ANKRD40CL: variants seen among roughly 807,000 people sequenced by gnomAD.
ANKRD40CL encodes the protein ANKRD40 C-terminal like.
For synonymous variants in ANKRD40CL, 5 were observed against 2.3 expected, an observed-to-expected ratio of 2.14 and a Z score of -1.04; for missense variants, 11 against 6.4, an observed-to-expected ratio of 1.71 and a Z score of -0.77.
intron 2 of ANKRD40CL, among the ~76,000 whole-genome samples, chr17:50,765,805 G>C (rs1420389539): frequency 2.6e-5 from 4 of 152,126 alleles, no homozygotes; most frequent in Non-Finnish European, 5.9e-5. Context: ...CGGAATGAGG[G>C]ACTCTGGCAG....
chr17:50,766,341 A>T (rs1238271046), intron 2 of ANKRD40CL, among the ~76,000 whole-genome samples: 1 of 152,182 alleles, frequency 6.6e-6, no homozygotes, highest in African/African-American at 2.4e-5. Context: ...TTCCTGCCTC[A>T]CTGCTAACTC....
At chr17:50,766,060 T>G (rs770455664) in intron 2 of ANKRD40CL, among the ~76,000 whole-genome samples, 3 of 152,180 alleles carry the variant, frequency 2.0e-5, no homozygotes, top group Non-Finnish European at 4.4e-5. Flanking sequence ...AAGTCAGCCC[T>G]GTTTGTGCCA....
intron 3 of ANKRD40CL, 180 bp downstream of exon 3, chr17:50,763,217 G>T (rs746387517): frequency 2.5e-6 from 1 of 394,482 alleles, no homozygotes; most frequent in Non-Finnish European, 4.5e-6. Flanking sequence ...TTTTTAAAAG[G>T]TTTATGGATT....
intron 3 of ANKRD40CL, among the ~76,000 whole-genome samples, chr17:50,761,983 G>A (rs1418266030): frequency 6.6e-6 from 1 of 151,584 alleles, no homozygotes; most frequent in Non-Finnish European, 1.5e-5. Flanking sequence ...CACCTAACCT[G>A]GAGTGCAGTG....
At chr17:50,764,094 T>C in intron 2 of ANKRD40CL, 3 of 398,620 alleles carry the variant, frequency 7.5e-6, no homozygotes, top group Non-Finnish European at 1.3e-5. Flanking sequence ...CAGTATGAAC[T>C]AAAAGTCCAA....
In ANKRD40CL at chr17:50,761,446, C is replaced by T. The variant is rs1407499373; in HGVS notation, c.262G>A (p.Gly88Arg). Residue 88 changes from glycine to arginine, a missense_variant, in exon 4 of 4, where the codon GGA becomes AGA. Coordinates refer to ENST00000450727, the MANE Select transcript of ANKRD40CL (RefSeq NM_001358683.3). ...ACATATTCTGTCAATCTGGAGCTTC[C>T]ATTTTTCATTAAAATGAGTTCCACT... Reference protein sequence around the residue: ...QEVELILMKNGSSRLTEYVPS... With the variant: ...QEVELILMKNRSSRLTEYVPS... 1 of 398,852 alleles carries T rather than the reference C, an allele frequency of 2.5e-6. No individual in the cohort carries two copies. Among genetic ancestry groups the T allele is most frequent in the African/African-American group, 2.1e-5 (1 of 48,608 alleles). 24.7% of individuals were successfully genotyped at this position (398,852 alleles called of 1,614,324 possible). A position where few individuals can be genotyped will look rare whatever the true frequency, so the allele number is the denominator to read the frequency against.
intron 2 of ANKRD40CL, among the ~76,000 whole-genome samples, chr17:50,766,203 G>GAGGT (rs1235400156): frequency 6.6e-6 from 1 of 152,120 alleles, no homozygotes; most frequent in Non-Finnish European, 1.5e-5. Flanking sequence ...CTGGGCCCTG[G>GAGGT]AGGTGGCTCA....
rs1382193298 is a variant in ANKRD40CL at position 50,761,331 on chromosome 17, G to T, written c.*32C>A. The T allele has an allele frequency of 5.1e-6, 2 of 395,202 alleles. No individual in the cohort carries two copies. The highest frequency in any genetic ancestry group is 8.9e-6 in the Non-Finnish European group (2 of 223,690). 24.5% of individuals were successfully genotyped at this position (395,202 alleles called of 1,614,324 possible). A position where few individuals can be genotyped will look rare whatever the true frequency, so the allele number is the denominator to read the frequency against. ...CTAAAGTGCTGGGATTACAGGGGGT[G>T]AGCCACCATGCGCGGCCATTCCTGG... On this transcript the variant is annotated 3_prime_UTR_variant, in exon 4 of 4. Transcript: ENST00000450727.
intron 3 of ANKRD40CL, among the ~76,000 whole-genome samples, 188 bp from the exon 4 acceptor site, chr17:50,761,694 T>A (rs1971204591): frequency 6.6e-6 from 1 of 152,098 alleles, no homozygotes; most frequent in Non-Finnish European, 1.5e-5. Flanking sequence ...AACCTCCGCC[T>A]CCCAGGTTCA....
At position 50,761,395 on chromosome 17, in the gene ANKRD40CL, A is replaced by C. The variant is rs1461718227; in HGVS notation, c.313T>G (p.Tyr105Asp). The change falls in exon 4 of 4, where the codon TAT becomes GAT. Residue 105 changes from tyrosine (Y) to aspartate (D), a missense_variant. Tyr to Asp is a radical substitution (Grantham distance 160, BLOSUM62 -3). Transcript: ENST00000450727. The part of the protein sequence containing the change: ...YVPSLTERPC[Y>D]DSKAAKMTY ...GTCATTTTTGCAGCTTTGCTATCAT[A>C]GCAGGGCCTTTCTGTCAGAGATGGC... The C allele has an allele frequency of 7.5e-6, 3 of 398,886 alleles. No individual in the cohort carries two copies. Among genetic ancestry groups the C allele is most frequent in the East Asian group, 7.1e-5 (2 of 28,058 alleles). The allele number at this position is 398,886 out of a possible 1,614,324, so 24.7% of individuals were successfully genotyped here. A position where few individuals can be genotyped will look rare whatever the true frequency, so the allele number is the denominator to read the frequency against.
intron 1 of ANKRD40CL, 153 bp from the exon 2 acceptor site, chr17:50,767,164 T>A (rs1971339963): frequency 1.5e-6 from 1 of 654,168 alleles, no homozygotes; most frequent in African/African-American, 1.8e-5. Context: ...GGCTCCAGAC[T>A]CTCTTCTCAG....
chr17:50,764,457 C>T (rs969791265), intron 2 of ANKRD40CL: 2 of 383,908 alleles, frequency 5.2e-6, no homozygotes, highest in Admixed American at 4.5e-5. Flanking sequence ...TGAAAAGGAG[C>T]TGAGACAGTA....
At chr17:50,764,283 C>T (rs1971257991) in intron 2 of ANKRD40CL, 2 of 398,474 alleles carry the variant, frequency 5.0e-6, no homozygotes, top group Non-Finnish European at 8.8e-6. Flanking sequence ...AGGAGCAGTA[C>T]CTGACCAGTT....
intron 2 of ANKRD40CL, among the ~76,000 whole-genome samples, chr17:50,765,861 G>C (rs1971302108): frequency 6.6e-6 from 1 of 152,212 alleles, no homozygotes; most frequent in African/African-American, 2.4e-5. Context: ...GAGACCATAT[G>C]TATGAGCTGA....
At chr17:50,764,453 G>A (rs909887968) in intron 2 of ANKRD40CL, 17 of 385,766 alleles carry the variant, frequency 4.4e-5, no homozygotes, top group Non-Finnish European at 7.3e-5. Context: ...ATCATGAAAA[G>A]GAGCTGAGAC....
intron 1 of ANKRD40CL, 152 bp downstream of exon 1, chr17:50,767,311 G>T (rs867797699): frequency 2.5e-6 from 1 of 398,344 alleles, no homozygotes; most frequent in Admixed American, 3.5e-5. Flanking sequence ...TCTTGGAAAA[G>T]GTTGGTAGCT....
chr17:50,767,155 G>T, intron 1 of ANKRD40CL, 144 bp from the exon 2 acceptor site: 1 of 663,322 alleles, frequency 1.5e-6, no homozygotes, highest in Non-Finnish European at 2.8e-6. Context: ...CTGAAGTAAG[G>T]CTCCAGACTC....
intron 3 of ANKRD40CL, among the ~76,000 whole-genome samples, chr17:50,762,290 C>G (rs1971214508): frequency 6.6e-6 from 1 of 152,164 alleles, no homozygotes; most frequent in Non-Finnish European, 1.5e-5. Context: ...AGAATATACA[C>G]TATAAGCCAA....
intron 2 of ANKRD40CL, 47 bp downstream of exon 2, chr17:50,766,827 C>A (rs1971327032): frequency 1.3e-5 from 8 of 626,774 alleles, no homozygotes; most frequent in Non-Finnish European, 2.0e-5. Flanking sequence ...AGCCCCCTGT[C>A]CCATCCTCCT....
Sources: gnomAD v4.1 joint callset for allele counts (sites outside exome capture counted in the v4.1 genomes callset) on GRCh38, gnomAD v4.1.1 for gene constraint, MANE v1.5 for transcripts, NCBI Gene and HGNC (gene_info 2026-07-23, HGNC 2026-07-21) for gene names.